The following BACH2 variants were observed in gnomAD, a reference collection of about 807,000 sequenced individuals.
The protein encoded by BACH2 is transcription regulator protein BACH2.
BACH2 carries 5 observed loss-of-function variants against 61.8 expected under a neutral mutation model. That is an observed-to-expected ratio of 0.08 (90% CI 0.04 to 0.17). The LOEUF is 0.17. BACH2 is among the 10% of genes least tolerant of loss of function. The pLI is 1.00. For missense variants in BACH2, 824 were observed against 1,091.1 expected (o/e 0.76, Z 3.45); for synonymous variants, 446 against 440.1 (o/e 1.01, Z -0.17).
At chr6:89,967,667 T>C (rs1775116831) in intron 6 of BACH2, among the ~76,000 whole-genome samples, 1 of 152,208 alleles carries the variant, frequency 6.6e-6, no homozygotes, top group Non-Finnish European at 1.5e-5. Flanking sequence ...ATTTCTTTCT[T>C]TAACAAGCGT....
chr6:90,104,823 G>C (rs1432508525), intron 4 of BACH2, among the ~76,000 whole-genome samples: 1 of 152,180 alleles, frequency 6.6e-6, no homozygotes, highest in Non-Finnish European at 1.5e-5. Context: ...TGGGGGACTG[G>C]GGGAGTGGGA....
chr6:90,092,119 G>A (rs1209042263), intron 4 of BACH2, among the ~76,000 whole-genome samples: 1 of 151,292 alleles, frequency 6.6e-6, no homozygotes, highest in Non-Finnish European at 1.5e-5. Context: ...CATTAATAAC[G>A]CAAACGATTA....
At chr6:90,202,257 T>C (rs897467434) in intron 4 of BACH2, among the ~76,000 whole-genome samples, 4 of 152,116 alleles carry the variant, frequency 2.6e-5, no homozygotes, top group South Asian at 2.1e-4. Flanking sequence ...AGTCTGGACT[T>C]CACAGCTTCA....
At chr6:90,058,210 A>G (rs1005117380) in intron 5 of BACH2, among the ~76,000 whole-genome samples, 5 of 152,342 alleles carry the variant, frequency 3.3e-5, no homozygotes, top group South Asian at 2.1e-4. Context: ...ACATGACTGT[A>G]TATCTAGAAA....
At chr6:90,144,952 A>C (rs1784570029) in intron 4 of BACH2, among the ~76,000 whole-genome samples, 1 of 152,240 alleles carries the variant, frequency 6.6e-6, no homozygotes, top group South Asian at 2.1e-4. Flanking sequence ...GGGAGCAGCA[A>C]CATCCTTGTA....
At chr6:90,158,263 TA>T (rs1433281252) in intron 4 of BACH2, among the ~76,000 whole-genome samples, 2 of 152,144 alleles carry the variant, frequency 1.3e-5, no homozygotes, top group Non-Finnish European at 2.9e-5. Context: ...TTTTAAATTT[TA>T]AAAATATTAG....
intron 5 of BACH2, among the ~76,000 whole-genome samples, chr6:90,046,615 T>A (rs1171915514): frequency 6.6e-6 from 1 of 152,186 alleles, no homozygotes; most frequent in Non-Finnish European, 1.5e-5. Flanking sequence ...AGAAGCAGCA[T>A]CCGATTTTTC....
intron 5 of BACH2, among the ~76,000 whole-genome samples, chr6:90,041,314 AT>A (rs1189592231): frequency 1.3e-5 from 2 of 151,230 alleles, no homozygotes; most frequent in East Asian, 3.9e-4. Flanking sequence ...TATAATAATA[AT>A]TTTATGTTAA....
chr6:90,132,751 C>T (rs956011931), intron 4 of BACH2, among the ~76,000 whole-genome samples: 1 of 152,148 alleles, frequency 6.6e-6, no homozygotes, highest in Non-Finnish European at 1.5e-5. Context: ...AAGGGCAGTC[C>T]ACAACTCAGC....
At chr6:89,946,019 A>T (rs1773701189) in intron 7 of BACH2, among the ~76,000 whole-genome samples, 1 of 152,198 alleles carries the variant, frequency 6.6e-6, no homozygotes, top group Non-Finnish European at 1.5e-5. Context: ...AAAGACTTAT[A>T]CCTTGACTAC....
At chr6:90,274,426 T>C (rs1771627271) in intron 1 of BACH2, among the ~76,000 whole-genome samples, 1 of 152,194 alleles carries the variant, frequency 6.6e-6, no homozygotes, top group Non-Finnish European at 1.5e-5. Flanking sequence ...ACCTTAGTCA[T>C]AAACCTCAAC....
intron 4 of BACH2, among the ~76,000 whole-genome samples, chr6:90,205,737 T>A (rs1417419127): frequency 2.0e-5 from 3 of 152,038 alleles, no homozygotes; most frequent in African/African-American, 7.3e-5. Flanking sequence ...ATTTCCCATC[T>A]AGGATCCTAC....
intron 5 of BACH2, among the ~76,000 whole-genome samples, chr6:90,028,302 C>G (rs183487525): frequency 6.6e-6 from 1 of 152,190 alleles, no homozygotes; most frequent in Non-Finnish European, 1.5e-5. Flanking sequence ...CACTCTCATG[C>G]CAAAAGAAGG....
At chr6:90,022,523 G>T (rs1778431572) in intron 5 of BACH2, among the ~76,000 whole-genome samples, 1 of 152,234 alleles carries the variant, frequency 6.6e-6, no homozygotes, top group Non-Finnish European at 1.5e-5. Flanking sequence ...GGCAAAGGTT[G>T]CAGTGAGCCA....
chr6:90,209,669 A>C (rs1209610228), intron 3 of BACH2, among the ~76,000 whole-genome samples: 1 of 152,118 alleles, frequency 6.6e-6, no homozygotes, highest in African/African-American at 2.4e-5. Context: ...CTTGAACATC[A>C]TTTCCCTGAG....
At chr6:90,215,149 T>C (rs1018441720) in intron 3 of BACH2, among the ~76,000 whole-genome samples, 3 of 152,144 alleles carry the variant, frequency 2.0e-5, no homozygotes, top group Non-Finnish European at 2.9e-5. Context: ...CACAGGGATC[T>C]AGTGTTTGCC....
At chr6:90,002,813 AG>A (rs1213890280) in intron 6 of BACH2, among the ~76,000 whole-genome samples, 2 of 152,140 alleles carry the variant, frequency 1.3e-5, no homozygotes, top group Non-Finnish European at 2.9e-5. Flanking sequence ...ATTCTACCCG[AG>A]TCCCCAATCC....
intron 5 of BACH2, among the ~76,000 whole-genome samples, chr6:90,009,805 C>T (rs748777140): frequency 1.6e-4 from 24 of 152,190 alleles, no homozygotes; most frequent in Non-Finnish European, 2.6e-4. Context: ...GCTGGGATTA[C>T]AGGCATGTGC....
chr6:90,053,505 C>A (rs1780159511), intron 5 of BACH2, among the ~76,000 whole-genome samples: 1 of 152,104 alleles, frequency 6.6e-6, no homozygotes, highest in Non-Finnish European at 1.5e-5. Flanking sequence ...TGGTCTTGAA[C>A]TGGCCTCAAG....
Sources: allele counts gnomAD v4.1 joint callset (sites outside exome capture counted in the v4.1 genomes callset), GRCh38; gene constraint gnomAD v4.1.1; transcripts MANE v1.5; gene names NCBI Gene and HGNC (gene_info 2026-07-23, HGNC 2026-07-21).